Variants in ATP5F1C observed in about 807,000 individuals in gnomAD.
ATP5F1C encodes ATP synthase F(1) complex subunit gamma, mitochondrial.
In ATP5F1C, 22 loss-of-function variants were observed where a neutral mutation model predicts 37.4. That is an observed-to-expected ratio of 0.59 (90% CI 0.42 to 0.84). ATP5F1C has a LOEUF of 0.84. ATP5F1C is among the 40% of genes least tolerant of loss of function. ATP5F1C has a pLI of 0.00. For missense variants in ATP5F1C, 286 were observed against 362.4 expected (o/e 0.79, Z 1.71); for synonymous variants, 121 against 128.0 (o/e 0.95, Z 0.37).
At chr10:7,790,001 CAACA>C (rs1836137358) in intron 1 of ATP5F1C, among the ~76,000 whole-genome samples, 1 of 152,224 alleles carries the variant, frequency 6.6e-6, no homozygotes, top group Admixed American at 6.5e-5. Context: ...AATCATCAAT[CAACA>C]GTGTTCCACT....
intron 3 of ATP5F1C, 109 bp from the exon 4 acceptor site, chr10:7,798,881 C>A: frequency 9.2e-7 from 1 of 1,085,780 alleles, no homozygotes; most frequent in Non-Finnish European, 1.3e-6. Flanking sequence ...CAGTTGCCAG[C>A]TAAATTTAAA....
rs373595647 is a variant in ATP5F1C, at chr10:7,798,990, C to T, written c.224C>T (p.Ala75Val). 3.7e-6 allele frequency: 6 copies of T among 1,611,248 alleles called. No individual in the cohort carries two copies. The highest frequency in any genetic ancestry group is 4.2e-6 in the Non-Finnish European group (5 of 1,179,614). Reference protein sequence around the residue: ...PARIYGLGSLALYEKADIKGP... With the variant: ...PARIYGLGSLVLYEKADIKGP... ...ATTACTGCTTTTGTTTGTTTTTAAG[C>T]TCTGTATGAAAAAGCTGATATCAAG... Residue 75 changes from alanine to valine, a missense_variant and splice_region_variant, in exon 4 of 10, where the codon GCT (alanine) becomes GTT (valine). By Grantham distance (64) the Ala-to-Val change is moderately conservative. Transcript: ENST00000356708.
Position 7,800,694 on chromosome 10 carries a change from C to T in ATP5F1C, c.637+603C>T, listed in dbSNP as rs537768260. On this transcript the variant is annotated intron_variant, in intron 6 of 9. Coordinates refer to ENST00000356708, the MANE Select transcript of ATP5F1C (RefSeq NM_001001973.3). ...ATTTTTAGTAGAGACAGCATTTCACCGTGTTCGCCAGGCTGGTCTTGAACT... is the reference window on the plus strand; with the variant it reads ...ATTTTTAGTAGAGACAGCATTTCACTGTGTTCGCCAGGCTGGTCTTGAACT... Among the ~76,000 whole-genome samples the T allele has an allele frequency of 1.8e-4, 27 of 152,090 alleles. 1 individual carries two copies. Among genetic ancestry groups the T allele is most frequent in the African/African-American group, 5.3e-4 (22 of 41,472 alleles).
At chr10:7,803,354 C>A (rs187557676) in intron 8 of ATP5F1C, among the ~76,000 whole-genome samples, 1 of 152,266 alleles carries the variant, frequency 6.6e-6, no homozygotes, top group East Asian at 1.9e-4. Flanking sequence ...TCACCTCCCC[C>A]AGGATACCAA....
At chr10:7,796,919 A>G in intron 2 of ATP5F1C, 128 bp from the exon 3 acceptor site, 2 of 1,057,560 alleles carry the variant, frequency 1.9e-6, no homozygotes, top group Admixed American at 2.7e-5. Context: ...CTGGTTTAGC[A>G]TCGTGCTGTT....
At chr10:7,788,399 G>T (rs1482448926) in intron 1 of ATP5F1C, 136 bp downstream of exon 1, 13 of 1,278,080 alleles carry the variant, frequency 1.0e-5, no homozygotes, top group Non-Finnish European at 1.3e-5. Flanking sequence ...CGTCGGAGGC[G>T]CCGGGTAGCG....
rs150053371 is a variant in ATP5F1C at position 7,797,435 on chromosome 10, T to C, written c.223+257T>C. Among the ~76,000 whole-genome samples, 51 of 152,300 alleles carry C rather than the reference T, an allele frequency of 3.3e-4. No homozygotes were observed. In the Middle Eastern group the frequency reaches 0.02, roughly 61 times the overall value. On this transcript the variant is annotated intron_variant, in intron 3 of 9. Coordinates refer to ENST00000356708, the MANE Select transcript of ATP5F1C (RefSeq NM_001001973.3). ...GTTAAGTAACTTGCCTAAGATCACATATAAAAGGATGAAGAGCCTCTGTTT... is the reference window on the plus strand; with the variant it reads ...GTTAAGTAACTTGCCTAAGATCACACATAAAAGGATGAAGAGCCTCTGTTT...
intron 1 of ATP5F1C, among the ~76,000 whole-genome samples, chr10:7,794,383 C>A (rs1470251545): frequency 1.3e-5 from 2 of 152,114 alleles, no homozygotes; most frequent in African/African-American, 4.8e-5. Context: ...ACTGCATTAG[C>A]TAAGACTTCC....
In ATP5F1C at chr10:7,802,257, C is replaced by A; in HGVS notation, c.638-13C>A. On this transcript the variant is annotated splice_polypyrimidine_tract_variant and intron_variant, in intron 6 of 9. Coordinates refer to ENST00000356708, the MANE Select transcript of ATP5F1C (RefSeq NM_001001973.3). ...CATATAACTTGAAAGAAACTCATCA[C>A]TTGTTTTAACAGACAGCATGAGTAT... 1 of 1,591,422 alleles carries A rather than the reference C, an allele frequency of 6.3e-7. No individual in the cohort carries two copies.
At position 7,789,965 on chromosome 10, in the gene ATP5F1C, A is replaced by G. The variant is rs79747376; in HGVS notation, c.56+1702A>G. On this transcript the variant is annotated intron_variant, in intron 1 of 9. Transcript: ENST00000356708. ...ATATAAAGGTCCTAATCCTGACCTT[A>G]ATCCCTTTGGAATATTGGTTTTATA... is the stretch of plus-strand genomic sequence containing the variant. 8.0e-3 allele frequency among the ~76,000 whole-genome samples: 1,213 copies of G among 152,348 alleles called. 15 individuals are homozygous for G. The highest frequency in any genetic ancestry group is 0.028 in the African/African-American group (1,144 of 41,578).
intron 1 of ATP5F1C, among the ~76,000 whole-genome samples, chr10:7,793,026 T>C (rs143765931): frequency 5.2e-4 from 79 of 152,358 alleles, no homozygotes; most frequent in Non-Finnish European, 7.6e-4. Flanking sequence ...CTTGCAGGTG[T>C]GTAGTGATAT....
At chr10:7,807,527 G>T in intron 9 of ATP5F1C, 132 bp from the exon 10 acceptor site, 2 of 1,062,670 alleles carry the variant, frequency 1.9e-6, no homozygotes, top group East Asian at 2.6e-5. Flanking sequence ...TAGAATCACT[G>T]GTATAGGGTA....
chr10:7,790,049 A>G (rs1429889244), intron 1 of ATP5F1C, among the ~76,000 whole-genome samples: 1 of 152,140 alleles, frequency 6.6e-6, no homozygotes, highest in Non-Finnish European at 1.5e-5. Flanking sequence ...CTTTTCATGT[A>G]TTCCTTCACT....
intron 1 of ATP5F1C, among the ~76,000 whole-genome samples, chr10:7,791,040 G>A (rs572248392): frequency 1.1e-3 from 163 of 152,284 alleles, no homozygotes; most frequent in African/African-American, 3.7e-3. Context: ...AGTGGCTCAC[G>A]TCTGTAATCC....
chr10:7,795,902 C>G (rs1836229702), intron 1 of ATP5F1C, among the ~76,000 whole-genome samples: 1 of 151,990 alleles, frequency 6.6e-6, no homozygotes, highest in African/African-American at 2.4e-5. Flanking sequence ...GGTGGTGGTA[C>G]AGACAGGCCA....
At chr10:7,807,540 A>C in intron 9 of ATP5F1C, 119 bp from the exon 10 acceptor site, 1 of 1,241,836 alleles carries the variant, frequency 8.1e-7, no homozygotes, top group South Asian at 1.7e-5. Context: ...ATAGGGTAAC[A>C]CTTTATTGTG....
At chr10:7,805,030 C>T (rs1836448399) in intron 8 of ATP5F1C, among the ~76,000 whole-genome samples, 1 of 152,220 alleles carries the variant, frequency 6.6e-6, no homozygotes, top group Non-Finnish European at 1.5e-5. Flanking sequence ...AAGCATTCTT[C>T]TCTTATTTTA....
chr10:7,794,417 T>C (rs1403237904), intron 1 of ATP5F1C, among the ~76,000 whole-genome samples: 3 of 152,132 alleles, frequency 2.0e-5, no homozygotes, highest in Non-Finnish European at 4.4e-5. Flanking sequence ...AGAAGAGTGA[T>C]GAGTGGGGAT....
chr10:7,795,674 T>C (rs1836226071), intron 1 of ATP5F1C, among the ~76,000 whole-genome samples: 1 of 152,228 alleles, frequency 6.6e-6, no homozygotes, highest in Non-Finnish European at 1.5e-5. Context: ...TAAACTACTT[T>C]TACACGTGTA....
Sources: allele counts gnomAD v4.1 joint callset (sites outside exome capture counted in the v4.1 genomes callset), GRCh38; gene constraint gnomAD v4.1.1; transcripts MANE v1.5; gene names NCBI Gene and HGNC (gene_info 2026-07-23, HGNC 2026-07-21).